The following BAG1 variants were observed in gnomAD, a reference collection of about 807,000 sequenced individuals.
BAG1 encodes the protein BAG cochaperone 1.
A neutral mutation model predicts 35.5 loss-of-function variants in BAG1; 35 were observed. The ratio of observed to expected loss-of-function variants is 0.99; its 90% CI spans 0.75 to 1.31. The LOEUF (loss-of-function observed/expected upper bound fraction) is 1.31. Ranked by LOEUF, BAG1 falls within the 50% of genes most tolerant of loss-of-function variation. The pLI is 0.00. For missense variants in BAG1, 464 were observed against 453.6 expected (o/e 1.02, Z -0.21); for synonymous variants, 191 against 178.9 (o/e 1.07, Z -0.54).
chr9:33,256,940 T>C, intron 4 of BAG1, 32 bp from the exon 5 acceptor site: 1 of 1,545,174 alleles, frequency 6.5e-7, no homozygotes, highest in Non-Finnish European at 8.9e-7. Flanking sequence ...TTGCAAGGGT[T>C]CTCTGAGGCT....
At position 33,253,590 on chromosome 9, in the gene BAG1, A is replaced by C. The variant is rs1820381821; in HGVS notation, c.*1629T>G. The C allele has an allele frequency of 6.6e-6, 1 of 152,092 alleles. No individual in the cohort carries two copies. The highest frequency in any genetic ancestry group is 6.6e-5 in the Admixed American group (1 of 15,256). 9.4% of individuals were successfully genotyped at this position (152,092 alleles called of 1,614,324 possible). A position where few individuals can be genotyped will look rare whatever the true frequency, so the allele number is the denominator to read the frequency against. ...GAGCCTTGTCCACAAGTCTACCTCT[A>C]CTACCTTGTCTGAGGTCTTAACCTG... On this transcript the variant is annotated 3_prime_UTR_variant, in exon 7 of 7. Coordinates refer to ENST00000634734, the MANE Select transcript of BAG1 (RefSeq NM_004323.6).
intron 3 of BAG1, chr9:33,260,054 G>A (rs1289233528): frequency 6.6e-6 from 1 of 152,142 alleles, no homozygotes; most frequent in Non-Finnish European, 1.5e-5. Context: ...GGAGTGCAGT[G>A]GCTGTTTACA....
In BAG1 at chr9:33,253,369, A is replaced by C. The variant is rs886101415; in HGVS notation, c.*1850T>G. 3 of 152,222 alleles carry C rather than the reference A, an allele frequency of 2.0e-5. No homozygotes were observed. Among genetic ancestry groups the C allele is most frequent in the Non-Finnish European group, 2.9e-5 (2 of 68,038 alleles). 9.4% of individuals were successfully genotyped at this position (152,222 alleles called of 1,614,324 possible). ...TCTTGGTTTCCTCATCTCTAAAATA[A>C]GGATATCTGTCTACCTCTCAAGTTA... On this transcript the variant is annotated 3_prime_UTR_variant, in exon 7 of 7. Transcript: ENST00000634734.
At position 33,257,127 on chromosome 9, in the gene BAG1, CCACTG is replaced by C; in HGVS notation, c.778-224_778-220del. 11 of 498,658 alleles carry C rather than the reference CCACTG, an allele frequency of 2.2e-5. No homozygotes were observed. The South Asian group carries it at 3.2e-4, about 14-fold the overall frequency. 30.9% of individuals were successfully genotyped at this position (498,658 alleles called of 1,614,324 possible). The stretch of plus-strand genomic sequence containing the variant: ...TGCAGTCTGCTCTACCTCGCATGAC[CCACTG>C]TGGCTGCAAATGCCTCCTGAGGCTT... On this transcript the variant is annotated intron_variant, in intron 4 of 6. Transcript: ENST00000634734.
At chr9:33,262,432 G>T (rs1461833274) in intron 2 of BAG1, among the ~76,000 whole-genome samples, 5 of 150,126 alleles carry the variant, frequency 3.3e-5, no homozygotes, top group Non-Finnish European at 5.9e-5. Flanking sequence ...CGAGGCGGGT[G>T]GATCACCTGA....
rs950437791 is a variant in BAG1 at position 33,252,973 on chromosome 9, G to A, written c.*2246C>T. On this transcript the variant is annotated 3_prime_UTR_variant, in exon 7 of 7. Coordinates refer to ENST00000634734, the MANE Select transcript of BAG1 (RefSeq NM_004323.6). ...GCATCTGAGGACCTGAAAGAAGAGTGGCTGACAGCAGACAGCCAACAAATG... is the reference window on the plus strand; with the variant it reads ...GCATCTGAGGACCTGAAAGAAGAGTAGCTGACAGCAGACAGCCAACAAATG... 1 of 152,186 alleles carries A rather than the reference G, an allele frequency of 6.6e-6. No individual in the cohort carries two copies. The highest frequency in any genetic ancestry group is 1.5e-5 in the Non-Finnish European group (1 of 68,086). 9.4% of individuals were successfully genotyped at this position (152,186 alleles called of 1,614,324 possible). A position where few individuals can be genotyped will look rare whatever the true frequency, so the allele number is the denominator to read the frequency against.
At chr9:33,260,644 C>A (rs1820549574) in intron 3 of BAG1, among the ~76,000 whole-genome samples, 1 of 152,152 alleles carries the variant, frequency 6.6e-6, no homozygotes, top group Admixed American at 6.5e-5. Context: ...CCTTTCCAGT[C>A]GAAGGTTTTC....
chr9:33,256,055 A>T (rs72723038), intron 5 of BAG1, 128 bp from the exon 6 acceptor site: 1 of 812,366 alleles, frequency 1.2e-6, no homozygotes, highest in Non-Finnish European at 2.0e-6. Context: ...CAGGTCACCA[A>T]TGTAAATGTG....
Position 33,254,910 on chromosome 9 carries a change from C to T in BAG1, c.*309G>A, listed in dbSNP as rs1820418753. 4.1e-6 allele frequency: 4 copies of T among 964,016 alleles called. No individual in the cohort carries two copies. The highest frequency in any genetic ancestry group is 3.4e-5 in the South Asian group (2 of 58,632). The allele number at this position is 964,016 out of a possible 1,614,324, so 59.7% of individuals were successfully genotyped here. The stretch of plus-strand genomic sequence containing the variant: ...GAAACTGGCCCAAGGCAAATTAGAG[C>T]TCTCACCAGCCCAAAGAAAGCACCC... On this transcript the variant is annotated 3_prime_UTR_variant, in exon 7 of 7. Transcript: ENST00000634734.
intron 1 of BAG1, among the ~76,000 whole-genome samples, chr9:33,263,506 A>T (rs1346944165): frequency 6.6e-6 from 1 of 152,216 alleles, no homozygotes; most frequent in Admixed American, 6.5e-5. Context: ...CATTACACCA[A>T]GGTTTGGTTC....
chr9:33,260,076 A>C (rs1273886803), intron 3 of BAG1: 1 of 152,148 alleles, frequency 6.6e-6, no homozygotes, highest in African/African-American at 2.4e-5. Flanking sequence ...GCATGATCAT[A>C]ACTCACTGCA....
At chr9:33,261,972 G>A (rs891999967) in intron 2 of BAG1, 5 of 1,185,212 alleles carry the variant, frequency 4.2e-6, no homozygotes, top group Non-Finnish European at 5.3e-6. Flanking sequence ...CCACCCTCAC[G>A]GAGGCTGTTA....
At position 33,264,280 on chromosome 9, in the gene BAG1, T is replaced by C; in HGVS notation, c.395A>G (p.Glu132Gly). The C allele has an allele frequency of 6.2e-7, 1 of 1,613,806 alleles. No individual in the cohort carries two copies. The highest frequency in any genetic ancestry group is 8.5e-7 in the Non-Finnish European group (1 of 1,179,962). ...CGCCATTTCCTCCCTGGTCACCTCCTCGCTCCGGGTCGACTCCTCGTCCCG... is the reference window on the plus strand; with the variant it reads ...CGCCATTTCCTCCCTGGTCACCTCCCCGCTCCGGGTCGACTCCTCGTCCCG... The change falls in exon 1 of 7, where the codon GAG becomes GGG. Residue 132 changes from glutamate to glycine, a missense_variant. Physicochemically the swap from Glu to Gly is moderately conservative, Grantham distance 98. Transcript: ENST00000634734.
chr9:33,256,953 C>CG (rs1190466481), intron 4 of BAG1, 45 bp from the exon 5 acceptor site: 1 of 1,445,506 alleles, frequency 6.9e-7, no homozygotes, highest in South Asian at 1.1e-5. Flanking sequence ...CTGAGGCTGA[C>CG]GGAAGACTCC....
chr9:33,259,149 T>C lies in BAG1; in HGVS notation c.664-116A>G, dbSNP rs554105784. ...GCCGAGATGGGCAGATCATTTGAGGTCAGGAGTTCAAGACCAGCCTGGCCA... is the reference window on the plus strand; with the variant it reads ...GCCGAGATGGGCAGATCATTTGAGGCCAGGAGTTCAAGACCAGCCTGGCCA... On this transcript the variant is annotated intron_variant, in intron 3 of 6. Coordinates refer to ENST00000634734, the MANE Select transcript of BAG1 (RefSeq NM_004323.6). 6.8e-6 allele frequency: 5 copies of C among 734,574 alleles called. No homozygotes were observed. In the African/African-American group the frequency reaches 8.9e-5, roughly 13 times the overall value. The allele number at this position is 734,574 out of a possible 1,614,324, so 45.5% of individuals were successfully genotyped here.
At position 33,264,333 on chromosome 9, in the gene BAG1, TTCGCCCTGGGTCGCCTCC is replaced by T. The variant is rs768947715; in HGVS notation, c.324_341del (p.Ala110_Glu115del). The T allele has an allele frequency of 2.5e-6, 4 of 1,612,988 alleles. No individual in the cohort carries two copies. Among genetic ancestry groups the T allele is most frequent in the South Asian group, 2.2e-5 (2 of 90,972 alleles). Reference sequence around the variant, plus strand: ...TCACCTCCTGGCTCCGATTCATCTCTTCGCCCTGGGTCGCCTCCTCACTCTGGGTCGCCTCTTCACTCC... The same window carrying T: ...TCACCTCCTGGCTCCGATTCATCTCTTCACTCTGGGTCGCCTCTTCACTCC... On this transcript the variant is annotated inframe_deletion, in exon 1 of 7. Transcript: ENST00000634734.
chr9:33,256,119 A>G (rs546608928), intron 5 of BAG1, among the ~76,000 whole-genome samples, 192 bp from the exon 6 acceptor site: 51 of 152,246 alleles, frequency 3.3e-4, no homozygotes, highest in African/African-American at 1.1e-3. Context: ...TGGCCTTTCC[A>G]TGGCTCTTGT....
At chr9:33,262,198 T>G in intron 2 of BAG1, 1 of 1,289,600 alleles carries the variant, frequency 7.8e-7, no homozygotes, top group South Asian at 1.2e-5. Flanking sequence ...TCCAGGTGTT[T>G]GAGAGTGTCC....
chr9:33,261,801 G>T (rs571635641), intron 2 of BAG1: 16 of 851,010 alleles, frequency 1.9e-5, no homozygotes, highest in African/African-American at 3.7e-5. Context: ...AGATTCTCAG[G>T]GGGGTGGGAA....
Sources: allele counts gnomAD v4.1 joint callset (sites outside exome capture counted in the v4.1 genomes callset), GRCh38; gene constraint gnomAD v4.1.1; transcripts MANE v1.5; gene names NCBI Gene and HGNC (gene_info 2026-07-23, HGNC 2026-07-21).